Variants in DHX8 observed in about 807,000 individuals in gnomAD.
The protein encoded by DHX8 is ATP-dependent RNA helicase DHX8.
A neutral mutation model predicts 140.7 loss-of-function variants in DHX8; 67 were observed. That is an observed-to-expected ratio of 0.48 (90% CI 0.39 to 0.58). The LOEUF (loss-of-function observed/expected upper bound fraction) is 0.58, where lower values mean the gene tolerates loss of function less well. DHX8 is among the 20% of genes least tolerant of loss of function. The pLI is 0.00. For synonymous variants in DHX8, 533 were observed against 553.2 expected (o/e 0.96, Z 0.51); for missense variants, 887 against 1,550.7 (o/e 0.57, Z 7.19).
At chr17:43,489,751 C>T (rs148248614) in intron 2 of DHX8, among the ~76,000 whole-genome samples, 2,631 of 152,018 alleles carry the variant, frequency 0.017, 78 homozygotes, top group African/African-American at 0.059. Flanking sequence ...CCACCATGCC[C>T]GGCTAATTTT....
chr17:43,533,795 GC>G, intron 2 of DHX8: 3 of 1,580,598 alleles, frequency 1.9e-6, no homozygotes, highest in Admixed American at 1.9e-5. Context: ...GCTCATGGGT[GC>G]CCCCTGCCTC....
rs1159155379 is a variant in DHX8 at position 43,493,000 on chromosome 17, A to G, written c.823A>G (p.Ile275Val). The change falls in exon 6 of 23, where the codon ATC (isoleucine) becomes GTC (valine). Residue 275 changes from isoleucine to valine, a missense_variant. Ile to Val is a conservative substitution (Grantham distance 29). Around this residue, in one of 9 missense-constraint regions of DHX8, gnomAD observed 304 missense variants for 306.9 expected, o/e 0.99. Transcript: ENST00000262415. Reference protein sequence around the residue: ...GDIYNGKVTSIMQFGCFVQLE... With the variant: ...GDIYNGKVTSVMQFGCFVQLE... ...CATTTATAATGGCAAAGTTACCAGC[A>G]TCATGCAGTTTGGTTGCTTTGTGCA... The G allele has an allele frequency of 1.9e-6, 3 of 1,614,046 alleles. No homozygotes were observed. The highest frequency in any genetic ancestry group is 1.7e-5 in the Admixed American group (1 of 60,000).
At chr17:43,514,669 A>C (rs547485133) in intron 17 of DHX8, among the ~76,000 whole-genome samples, 4 of 152,342 alleles carry the variant, frequency 2.6e-5, no homozygotes, top group Non-Finnish European at 5.9e-5. Flanking sequence ...TTTATCTGAA[A>C]GTTAGAAATG....
At position 43,491,150 on chromosome 17, in the gene DHX8, C is replaced by T. The variant is rs1310499994; in HGVS notation, c.308-15C>T. On this transcript the variant is annotated splice_polypyrimidine_tract_variant and intron_variant, in intron 3 of 22. Coordinates refer to ENST00000262415, the MANE Select transcript of DHX8 (RefSeq NM_004941.3). Reference sequence around the variant, plus strand: ...TCTCTTTTTTTAACCCCTTCATGCTCTTTAATGAAACAAGATCCAGTTGTT... The same window carrying T: ...TCTCTTTTTTTAACCCCTTCATGCTTTTTAATGAAACAAGATCCAGTTGTT... 3 of 1,436,760 alleles carry T rather than the reference C, an allele frequency of 2.1e-6. No individual in the cohort carries two copies. The highest frequency in any genetic ancestry group is 2.8e-6 in the Non-Finnish European group (3 of 1,066,946). The allele number at this position is 1,436,760 out of a possible 1,614,324, so 89.0% of individuals were successfully genotyped here. A position where few individuals can be genotyped will look rare whatever the true frequency, so the allele number is the denominator to read the frequency against.
downstream of DHX8, chr17:43,529,638 C>T: frequency 6.2e-7 from 1 of 1,613,906 alleles, no homozygotes; most frequent in Non-Finnish European, 8.5e-7. Context: ...TAGGGCGGCC[C>T]CTCTCGAAAT....
chr17:43,533,154 G>A, intron 2 of DHX8: 2 of 1,608,718 alleles, frequency 1.2e-6, no homozygotes, highest in Non-Finnish European at 1.7e-6. Context: ...AAACACCTGG[G>A]CCCATGAGCA....
At chr17:43,512,957 C>T (rs533181177) in intron 16 of DHX8, among the ~76,000 whole-genome samples, 65 of 152,126 alleles carry the variant, frequency 4.3e-4, no homozygotes, top group Admixed American at 1.6e-3. Context: ...CCAGATGTCT[C>T]GGTAGGGGAA....
At position 43,484,125 on chromosome 17, in the gene DHX8, T is replaced by C. The variant is rs781165823; in HGVS notation, c.88T>C (p.Leu30=). Residue 30 remains leucine (L), a synonymous_variant, in exon 1 of 23, where the codon TTG becomes CTG. Coordinates refer to ENST00000262415, the MANE Select transcript of DHX8 (RefSeq NM_004941.3). ...EELAKLEYLS[L]VSKVCTELDN... ...ACTTGCCAAACTCGAGTACCTGTCT[T>C]TGGTGTCAAAGGTTTGCACTGAGCT... The C allele has an allele frequency of 1.2e-6, 2 of 1,614,134 alleles. No individual in the cohort carries two copies. Among genetic ancestry groups the C allele is most frequent in the Non-Finnish European group, 1.7e-6 (2 of 1,180,018 alleles).
chr17:43,489,404 C>A, intron 1 of DHX8, 45 bp from the exon 2 acceptor site: 2 of 1,341,438 alleles, frequency 1.5e-6, no homozygotes, highest in South Asian at 1.2e-5. Context: ...AAACTGATTT[C>A]TTGTTCATGT....
chr17:43,526,090 G>A, downstream of DHX8: 1 of 985,348 alleles, frequency 1.0e-6, no homozygotes, highest in Non-Finnish European at 1.2e-6. Flanking sequence ...TGACCATCAG[G>A]AAAGCAATGT....
chr17:43,541,513 G>C (rs1411686719), intron 3 of DHX8, among the ~76,000 whole-genome samples: 1 of 151,900 alleles, frequency 6.6e-6, no homozygotes, highest in Non-Finnish European at 1.5e-5. Flanking sequence ...AGAATTTTAG[G>C]GACTCTCCTT....
intron 17 of DHX8, among the ~76,000 whole-genome samples, chr17:43,515,128 G>T (rs764351611): frequency 6.6e-6 from 1 of 151,984 alleles, no homozygotes; most frequent in Non-Finnish European, 1.5e-5. Context: ...TTCATAATTT[G>T]TGAAAGCCTT....
At chr17:43,516,210 T>G (rs1228902412) in intron 17 of DHX8, among the ~76,000 whole-genome samples, 2 of 152,148 alleles carry the variant, frequency 1.3e-5, no homozygotes, top group Non-Finnish European at 2.9e-5. Flanking sequence ...ATAATACATG[T>G]TCAATATTTG....
At chr17:43,495,567 C>T (rs894726942) in intron 8 of DHX8, among the ~76,000 whole-genome samples, 6 of 152,120 alleles carry the variant, frequency 3.9e-5, no homozygotes, top group Non-Finnish European at 5.9e-5. Flanking sequence ...CATGAGCTGC[C>T]GTGTCTGGCC....
At chr17:43,487,733 T>G (rs1346090598) in intron 1 of DHX8, among the ~76,000 whole-genome samples, 1 of 152,082 alleles carries the variant, frequency 6.6e-6, no homozygotes, top group Admixed American at 6.5e-5. Context: ...TCCCAGCACT[T>G]CGGGAGGCTG....
intron 16 of DHX8, among the ~76,000 whole-genome samples, chr17:43,508,966 A>G (rs1969649091): frequency 6.6e-6 from 1 of 152,128 alleles, no homozygotes; most frequent in African/African-American, 2.4e-5. Flanking sequence ...TGGTCCAACC[A>G]ATTTGTTTAG....
In DHX8 at chr17:43,520,797, T is replaced by C; in HGVS notation, c.2984T>C (p.Met995Thr). 3 of 1,614,096 alleles carry C rather than the reference T, an allele frequency of 1.9e-6. No individual in the cohort carries two copies. Among genetic ancestry groups the C allele is most frequent in the Non-Finnish European group, 2.5e-6 (3 of 1,179,988 alleles). Residue 995 changes from methionine to threonine, a missense_variant, in exon 20 of 23, where the codon ATG becomes ACG. By Grantham distance (81) the Met-to-Thr change is moderately conservative. Coordinates refer to ENST00000262415, the MANE Select transcript of DHX8 (RefSeq NM_004941.3). ...LEPMLCKMLI[M>T]SVHLGCSEEM... is the part of the protein sequence containing the mutation. ...CCAATGCTATGCAAAATGCTCATCA[T>C]GTCTGTGCATCTGGGCTGCAGTGAG...
chr17:43,499,565 A>G (rs1424003315), intron 10 of DHX8, among the ~76,000 whole-genome samples: 1 of 152,166 alleles, frequency 6.6e-6, no homozygotes, highest in Non-Finnish European at 1.5e-5. Flanking sequence ...TCATCATGAG[A>G]TGGATCTGAT....
chr17:43,489,650 G>A, intron 2 of DHX8, 116 bp downstream of exon 2: 1 of 678,770 alleles, frequency 1.5e-6, no homozygotes. Context: ...GAGTGCAGTG[G>A]CGCCACCTCA....
Sources: allele counts gnomAD v4.1 joint callset (sites outside exome capture counted in the v4.1 genomes callset), GRCh38; gene constraint gnomAD v4.1.1; regional missense constraint gnomAD v4.1.1; transcripts MANE v1.5; gene names NCBI Gene and HGNC (gene_info 2026-07-23, HGNC 2026-07-21).